The following NCKAP5 variants were observed in gnomAD, a reference collection of about 807,000 sequenced individuals.
NCKAP5 encodes the protein NCK associated protein 5, also known as nck-associated protein 5.
In NCKAP5, 92 loss-of-function variants were observed where a neutral mutation model predicts 167.0. The ratio of observed to expected loss-of-function variants is 0.55; its 90% CI spans 0.47 to 0.66. The LOEUF (loss-of-function observed/expected upper bound fraction) is 0.66. NCKAP5 is among the 30% of genes least tolerant of loss of function. The pLI, the probability that NCKAP5 is intolerant of heterozygous loss-of-function variation, is 0.00. For synonymous variants in NCKAP5, 891 were observed against 877.4 expected, an observed-to-expected ratio of 1.02 and a Z score of -0.27; for missense variants, 2,378 against 2,315.0, an observed-to-expected ratio of 1.03 and a Z score of -0.56.
chr2:132,773,571 A>T (rs1164922108), intron 16 of NCKAP5, among the ~76,000 whole-genome samples: 1 of 152,246 alleles, frequency 6.6e-6, no homozygotes, highest in Non-Finnish European at 1.5e-5. Flanking sequence ...TTTCATATTG[A>T]CAAATACTTC....
In NCKAP5 at chr2:133,517,527, G is replaced by A. The variant is rs373264828; in HGVS notation, c.-1C>T. 63 of 1,520,796 alleles carry A rather than the reference G, an allele frequency of 4.1e-5. No individual in the cohort carries two copies. Among genetic ancestry groups the A allele is most frequent in the Non-Finnish European group, 5.5e-5 (62 of 1,130,562 alleles). 94.2% of individuals were successfully genotyped at this position (1,520,796 alleles called of 1,614,324 possible). A position where few individuals can be genotyped will look rare whatever the true frequency, so the allele number is the denominator to read the frequency against. ...TCTCAAGCTGTCTCTTTCCCTCCAT[G>A]GATGAAGTTATTTATTTTCTTTTGT... On this transcript the variant is annotated 5_prime_UTR_variant, in exon 3 of 20. Coordinates refer to ENST00000409261, the MANE Select transcript of NCKAP5 (RefSeq NM_207363.3).
At chr2:133,275,937 T>C (rs1310273699) in intron 4 of NCKAP5, among the ~76,000 whole-genome samples, 1 of 150,980 alleles carries the variant, frequency 6.6e-6, no homozygotes, top group Non-Finnish European at 1.5e-5. Flanking sequence ...TATACACAGA[T>C]TTTTTTTTCA....
intron 16 of NCKAP5, among the ~76,000 whole-genome samples, chr2:132,766,241 C>T (rs75613312): frequency 0.011 from 1,430 of 130,822 alleles, 23 homozygotes; most frequent in African/African-American, 0.04. Flanking sequence ...GATCGCACCA[C>T]TACCCTCCAG....
chr2:133,566,569 T>A (rs1688568608), intron 1 of NCKAP5, among the ~76,000 whole-genome samples: 1 of 152,222 alleles, frequency 6.6e-6, no homozygotes, highest in African/African-American at 2.4e-5. Context: ...CACCTGCACA[T>A]AGCCCTGTTC....
chr2:133,518,558 G>A (rs949773568), intron 2 of NCKAP5, among the ~76,000 whole-genome samples: 1 of 151,578 alleles, frequency 6.6e-6, no homozygotes, highest in Middle Eastern at 3.4e-3. Context: ...GTTTCACCGT[G>A]TTAGCCAGGA....
At chr2:133,352,306 G>A (rs866182898) in intron 3 of NCKAP5, among the ~76,000 whole-genome samples, 1 of 152,224 alleles carries the variant, frequency 6.6e-6, no homozygotes. Flanking sequence ...ATTTTTGTCT[G>A]TTCTGTCCTT....
At chr2:133,513,763 T>TG (rs1683708926) in intron 3 of NCKAP5, among the ~76,000 whole-genome samples, 1 of 152,252 alleles carries the variant, frequency 6.6e-6, no homozygotes, top group African/African-American at 2.4e-5. Flanking sequence ...CTTCCTTTTG[T>TG]GGGGGAGAAG....
At chr2:133,279,393 ATGTT>A (rs1478278409) in intron 4 of NCKAP5, among the ~76,000 whole-genome samples, 2 of 152,176 alleles carry the variant, frequency 1.3e-5, no homozygotes, top group African/African-American at 4.8e-5. Context: ...AACTGAGTAA[ATGTT>A]TGCTGATTTG....
intron 2 of NCKAP5, among the ~76,000 whole-genome samples, chr2:133,550,433 C>T (rs1687187858): frequency 6.6e-6 from 1 of 151,842 alleles, no homozygotes; most frequent in Admixed American, 6.6e-5. Context: ...GGATGCAAGT[C>T]TGGTTCAATA....
At chr2:133,622,516 G>T in the NCKAP5 span, among the ~76,000 whole-genome samples, 2 of 151,738 alleles carry the variant, frequency 1.3e-5, no homozygotes, top group Non-Finnish European at 2.9e-5. Context: ...ATCAAATCAA[G>T]AACTCAACCC....
At chr2:132,674,671 T>A (rs1684196002) in intron 19 of NCKAP5, among the ~76,000 whole-genome samples, 2 of 152,186 alleles carry the variant, frequency 1.3e-5, no homozygotes, top group South Asian at 4.1e-4. Flanking sequence ...TCTCACATGC[T>A]AATGTGAAGA....
chr2:132,798,189 C>T (rs1263966712), intron 11 of NCKAP5, among the ~76,000 whole-genome samples: 5 of 152,164 alleles, frequency 3.3e-5, no homozygotes, highest in Non-Finnish European at 7.3e-5. Context: ...AATCCTAATT[C>T]TATAATCCTA....
At chr2:133,015,543 G>A (rs1249839173) in intron 6 of NCKAP5, among the ~76,000 whole-genome samples, 2 of 152,168 alleles carry the variant, frequency 1.3e-5, no homozygotes, top group Non-Finnish European at 2.9e-5. Context: ...GAACATGTCT[G>A]AATTTTCCAA....
At chr2:133,347,910 C>T (rs1025134783) in intron 3 of NCKAP5, among the ~76,000 whole-genome samples, 34 of 152,324 alleles carry the variant, frequency 2.2e-4, no homozygotes, top group African/African-American at 8.2e-4. Flanking sequence ...TAATTTATCA[C>T]AGAGATTATA....
chr2:133,205,316 T>TAGAC (rs1456124187), intron 5 of NCKAP5, among the ~76,000 whole-genome samples: 1 of 151,918 alleles, frequency 6.6e-6, no homozygotes, highest in African/African-American at 2.4e-5. Context: ...GATAGATAGA[T>TAGAC]AGACAGACAG....
At chr2:133,616,428 G>A in the NCKAP5 span, among the ~76,000 whole-genome samples, 1 of 151,948 alleles carries the variant, frequency 6.6e-6, no homozygotes, top group Non-Finnish European at 1.5e-5. Flanking sequence ...GAAAAAAAGA[G>A]AGAAGAATCA....
At chr2:132,941,713 T>G (rs1306588550) in intron 8 of NCKAP5, among the ~76,000 whole-genome samples, 1 of 152,190 alleles carries the variant, frequency 6.6e-6, no homozygotes, top group Non-Finnish European at 1.5e-5. Flanking sequence ...CAAATTCCGT[T>G]ATCTCCTTTT....
chr2:132,727,673 G>A (rs1388390387), intron 18 of NCKAP5, among the ~76,000 whole-genome samples: 2 of 152,156 alleles, frequency 1.3e-5, no homozygotes, highest in African/African-American at 2.4e-5. Flanking sequence ...TCAGACCCAC[G>A]TCTTGTGGAG....
intron 15 of NCKAP5, 86 bp downstream of exon 15, chr2:132,780,966 T>A (rs996470663): frequency 2.2e-6 from 3 of 1,363,812 alleles, no homozygotes; most frequent in Non-Finnish European, 2.0e-6. Context: ...CTCTTACCCA[T>A]ACATTTTCAT....
Sources: allele counts gnomAD v4.1 joint callset (sites outside exome capture counted in the v4.1 genomes callset), GRCh38; gene constraint gnomAD v4.1.1; transcripts MANE v1.5; gene names NCBI Gene and HGNC (gene_info 2026-07-23, HGNC 2026-07-21).